The following NCKAP5 variants were observed in gnomAD, a reference collection of about 807,000 sequenced individuals.
NCKAP5 encodes the protein NCK associated protein 5.
In NCKAP5, 92 loss-of-function variants were observed where a neutral mutation model predicts 167.0. The observed-to-expected ratio is 0.55, with a 90% CI of 0.47 to 0.66. The LOEUF (loss-of-function observed/expected upper bound fraction) is 0.66. Among genes scored for constraint, NCKAP5 ranks in the 30% least tolerant of loss-of-function variants. NCKAP5 has a pLI of 0.00. For missense variants in NCKAP5, 2,378 were observed against 2,315.0 expected (o/e 1.03, Z -0.56); for synonymous variants, 891 against 877.4 (o/e 1.02, Z -0.27).
chr2:132,879,174 G>T (rs751175791), intron 8 of NCKAP5, among the ~76,000 whole-genome samples: 1 of 152,138 alleles, frequency 6.6e-6, no homozygotes, highest in Non-Finnish European at 1.5e-5. Flanking sequence ...ATCAAATCAT[G>T]GTTTGATGTG....
chr2:133,219,523 G>C (rs377381790), intron 4 of NCKAP5, among the ~76,000 whole-genome samples: 3 of 152,176 alleles, frequency 2.0e-5, no homozygotes, highest in Admixed American at 2.0e-4. Context: ...TGGCAGCTAA[G>C]TCCCACGACA....
In NCKAP5 at chr2:133,440,613, G is replaced by A. The variant is rs1268674379; in HGVS notation, c.69+76845C>T. On this transcript the variant is annotated intron_variant, in intron 3 of 19. Coordinates refer to ENST00000409261, the MANE Select transcript of NCKAP5 (RefSeq NM_207363.3). Reference sequence around the variant, plus strand: ...AACTCCCAGCTACTCTGGAGGCTGAGGCAGGGGAATGGTGTGAACCCAGGA... The same window carrying A: ...AACTCCCAGCTACTCTGGAGGCTGAAGCAGGGGAATGGTGTGAACCCAGGA... Among the ~76,000 whole-genome samples the A allele has an allele frequency of 7.3e-5, 11 of 151,146 alleles. No individual in the cohort carries two copies. The South Asian group carries it at 2.3e-3, about 32-fold the overall frequency.
intron 4 of NCKAP5, among the ~76,000 whole-genome samples, chr2:133,223,844 T>C (rs892405641): frequency 2.0e-5 from 3 of 152,102 alleles, no homozygotes; most frequent in African/African-American, 4.8e-5. Context: ...CTCACCAACA[T>C]TGGAAAAGCA....
intron 7 of NCKAP5, among the ~76,000 whole-genome samples, chr2:132,984,196 T>G (rs747419549): frequency 6.6e-6 from 1 of 152,158 alleles, no homozygotes; most frequent in Non-Finnish European, 1.5e-5. Context: ...ATCATAGCAA[T>G]GGTATTTGCA....
intron 9 of NCKAP5, among the ~76,000 whole-genome samples, chr2:132,871,648 TAG>T (rs1690826130): frequency 1.3e-5 from 2 of 152,188 alleles, no homozygotes; most frequent in Admixed American, 1.3e-4. Flanking sequence ...CCTATAGGCT[TAG>T]AGACTCTATA....
intron 3 of NCKAP5, among the ~76,000 whole-genome samples, chr2:133,353,146 C>A (rs1048140299): frequency 2.0e-5 from 3 of 152,206 alleles, no homozygotes; most frequent in Admixed American, 6.5e-5. Context: ...GGGAAGTGAA[C>A]TGCGAAGCAA....
At chr2:132,861,941 G>A (rs1235896531) in intron 10 of NCKAP5, among the ~76,000 whole-genome samples, 1 of 152,216 alleles carries the variant, frequency 6.6e-6, no homozygotes, top group East Asian at 1.9e-4. Flanking sequence ...CACATAGTAG[G>A]AGCTTAATAA....
chr2:133,358,170 C>T (rs752655922), intron 3 of NCKAP5, among the ~76,000 whole-genome samples: 4 of 152,192 alleles, frequency 2.6e-5, no homozygotes, highest in South Asian at 2.1e-4. Flanking sequence ...TAACCAGTTA[C>T]GTATCTGTTT....
At chr2:133,127,773 G>A (rs1246515618) in intron 6 of NCKAP5, among the ~76,000 whole-genome samples, 1 of 152,216 alleles carries the variant, frequency 6.6e-6, no homozygotes, top group Non-Finnish European at 1.5e-5. Context: ...TTGGAGGGGT[G>A]GATCTATTAT....
At chr2:133,434,165 G>A (rs1690327861) in intron 3 of NCKAP5, among the ~76,000 whole-genome samples, 1 of 152,088 alleles carries the variant, frequency 6.6e-6, no homozygotes. Flanking sequence ...AAATTCTCAA[G>A]GATAATCCAA....
intron 3 of NCKAP5, among the ~76,000 whole-genome samples, chr2:133,490,311 T>C (rs1285897579): frequency 6.6e-6 from 1 of 152,156 alleles, no homozygotes; most frequent in Non-Finnish European, 1.5e-5. Flanking sequence ...CTAGTTTTTC[T>C]AGATCCTTTA....
the NCKAP5 span, among the ~76,000 whole-genome samples, chr2:133,615,248 G>A: frequency 2.6e-5 from 4 of 151,696 alleles, no homozygotes; most frequent in African/African-American, 9.7e-5. Flanking sequence ...CAACTAATGA[G>A]CAAAATAACC....
chr2:132,711,170 G>T (rs944135686), intron 19 of NCKAP5, among the ~76,000 whole-genome samples: 3 of 152,156 alleles, frequency 2.0e-5, no homozygotes, highest in Non-Finnish European at 2.9e-5. Flanking sequence ...GTGAACCCAG[G>T]AAATCCTAGA....
intron 3 of NCKAP5, among the ~76,000 whole-genome samples, chr2:133,405,329 A>G (rs1317930402): frequency 6.6e-6 from 1 of 152,206 alleles, no homozygotes; most frequent in Non-Finnish European, 1.5e-5. Flanking sequence ...TCTAATACAC[A>G]TACTTTCTAC....
chr2:133,035,042 C>T (rs2078996924), intron 6 of NCKAP5, among the ~76,000 whole-genome samples: 1 of 151,846 alleles, frequency 6.6e-6, no homozygotes, highest in African/African-American at 2.4e-5. Context: ...TAAAGACACA[C>T]ATGGACTGAA....
At chr2:132,702,351 C>G (rs1483541616) in intron 19 of NCKAP5, among the ~76,000 whole-genome samples, 1 of 152,086 alleles carries the variant, frequency 6.6e-6, no homozygotes, top group Non-Finnish European at 1.5e-5. Context: ...GGACTCCAGC[C>G]TCTTCTCGCT....
intron 3 of NCKAP5, among the ~76,000 whole-genome samples, chr2:133,429,828 G>A (rs945275064): frequency 1.3e-5 from 2 of 151,818 alleles, no homozygotes; most frequent in African/African-American, 4.8e-5. Flanking sequence ...TTTCCTTTAG[G>A]TATATACCCA....
chr2:133,196,976 G>A (rs1212888488), intron 5 of NCKAP5, among the ~76,000 whole-genome samples: 1 of 152,180 alleles, frequency 6.6e-6, no homozygotes, highest in Non-Finnish European at 1.5e-5. Flanking sequence ...AATCAGAAGA[G>A]TAAGAAACAA....
intron 3 of NCKAP5, among the ~76,000 whole-genome samples, chr2:133,476,682 T>C (rs1465337108): frequency 6.6e-6 from 1 of 152,254 alleles, no homozygotes; most frequent in African/African-American, 2.4e-5. Context: ...GGCAAAATTA[T>C]GTTTTAAAAT....
Sources: gnomAD v4.1 joint callset for allele counts (sites outside exome capture counted in the v4.1 genomes callset) on GRCh38, gnomAD v4.1.1 for gene constraint, MANE v1.5 for transcripts, NCBI Gene and HGNC (gene_info 2026-07-23, HGNC 2026-07-21) for gene names.